PDE8B: variants seen among roughly 807,000 people sequenced by gnomAD.
PDE8B encodes the protein high affinity cAMP-specific and IBMX-insensitive 3',5'-cyclic phosphodiesterase 8B.
PDE8B carries 26 observed loss-of-function variants against 101.3 expected under a neutral mutation model. The ratio of observed to expected loss-of-function variants is 0.26; its 90% confidence interval spans 0.19 to 0.36. The LOEUF is 0.36. PDE8B is among the 10% of genes least tolerant of loss of function. PDE8B has a pLI of 1.00. For synonymous variants in PDE8B, 424 were observed against 429.3 expected (o/e 0.99, Z 0.15); for missense variants, 810 against 1,163.1 (o/e 0.70, Z 4.42).
chr5:77,137,023 GT>G, the PDE8B span, among the ~76,000 whole-genome samples: 1 of 152,146 alleles, frequency 6.6e-6, no homozygotes, highest in East Asian at 1.9e-4. Flanking sequence ...GACAAAATCA[GT>G]TTGCTTCTTG....
chr5:77,122,043 C>G, the PDE8B span, among the ~76,000 whole-genome samples: 3 of 152,294 alleles, frequency 2.0e-5, no homozygotes, highest in East Asian at 5.8e-4. Flanking sequence ...GTTCCAAATC[C>G]ATAAATAGTA....
At chr5:77,374,698 G>A (rs1378000415) in intron 10 of PDE8B, among the ~76,000 whole-genome samples, 9 of 152,082 alleles carry the variant, frequency 5.9e-5, no homozygotes, top group East Asian at 1.9e-4. Context: ...CCCATAATAC[G>A]GTTACTGTTT....
the PDE8B span, among the ~76,000 whole-genome samples, chr5:77,190,799 G>A: frequency 6.6e-6 from 1 of 152,198 alleles, no homozygotes; most frequent in Non-Finnish European, 1.5e-5. Context: ...CTCAGTATAT[G>A]CTCTAGGAAA....
chr5:77,205,388 G>C, the PDE8B span, among the ~76,000 whole-genome samples: 1 of 152,112 alleles, frequency 6.6e-6, no homozygotes, highest in Non-Finnish European at 1.5e-5. Context: ...TCACTTGGTA[G>C]GACTATTTCA....
the PDE8B span, chr5:77,144,111 T>TC: frequency 6.6e-6 from 1 of 152,154 alleles, no homozygotes; most frequent in African/African-American, 2.4e-5. Context: ...GAGCATGGAT[T>TC]CACAAGAGAA....
At chr5:77,287,840 A>T (rs1766370383) in intron 1 of PDE8B, among the ~76,000 whole-genome samples, 1 of 152,070 alleles carries the variant, frequency 6.6e-6, no homozygotes, top group South Asian at 2.1e-4. Flanking sequence ...TCTTTGTCAA[A>T]ATGTTGTTTC....
At chr5:77,173,040 A>G in the PDE8B span, among the ~76,000 whole-genome samples, 1 of 152,216 alleles carries the variant, frequency 6.6e-6, no homozygotes, top group Non-Finnish European at 1.5e-5. Flanking sequence ...CAGTGAATGC[A>G]TGTAGAGGTG....
the PDE8B span, among the ~76,000 whole-genome samples, chr5:77,097,668 A>G: frequency 1.4e-5 from 1 of 70,990 alleles, no homozygotes; most frequent in Non-Finnish European, 3.1e-5. Flanking sequence ...CTATCAGACT[A>G]GCTGTTTGTG....
chr5:77,414,599 T>C (rs1795166251), intron 17 of PDE8B, among the ~76,000 whole-genome samples: 2 of 151,502 alleles, frequency 1.3e-5, no homozygotes, highest in African/African-American at 4.8e-5. Flanking sequence ...TTTTTTTTTT[T>C]TTTTGTATTT....
At chr5:77,406,697 AG>A (rs1177616459) in intron 12 of PDE8B, among the ~76,000 whole-genome samples, 1 of 152,090 alleles carries the variant, frequency 6.6e-6, no homozygotes, top group Admixed American at 6.5e-5. Context: ...CCTGCCTCAG[AG>A]GGGGTGGTAG....
At chr5:77,245,854 C>CCCCCCCCCCCCCCCCCCCCCCCCCCCCT (rs1756807720) in intron 1 of PDE8B, among the ~76,000 whole-genome samples, 1 of 77,086 alleles carries the variant, frequency 1.3e-5, no homozygotes, top group African/African-American at 7.6e-5. Flanking sequence ...CCCCCGCCCC[C>CCCCCCCCCCCCCCCCCCCCCCCCCCCCT]CCCCCCCAAC....
intron 1 of PDE8B, among the ~76,000 whole-genome samples, chr5:77,242,835 T>G (rs1756050105): frequency 6.6e-6 from 1 of 152,042 alleles, no homozygotes; most frequent in East Asian, 1.9e-4. Flanking sequence ...CCTGGCTAAT[T>G]TTTTGTATTT....
At chr5:77,101,250 A>G in the PDE8B span, among the ~76,000 whole-genome samples, 2 of 151,648 alleles carry the variant, frequency 1.3e-5, no homozygotes, top group South Asian at 4.2e-4. Flanking sequence ...GGATTACAGG[A>G]GTGAGCCGCT....
At chr5:77,184,956 C>G in the PDE8B span, among the ~76,000 whole-genome samples, 2,250 of 152,330 alleles carry the variant, frequency 0.015, 67 homozygotes, top group African/African-American at 0.052. Flanking sequence ...GGGCACCAGG[C>G]TATCAGAGCT....
intron 14 of PDE8B, among the ~76,000 whole-genome samples, chr5:77,409,946 G>A (rs1794209992): frequency 6.6e-6 from 1 of 152,236 alleles, no homozygotes; most frequent in South Asian, 2.1e-4. Context: ...ATCTAATGCA[G>A]TGCAGACCTC....
intron 1 of PDE8B, among the ~76,000 whole-genome samples, chr5:77,296,206 TTCC>T (rs1768527152): frequency 6.6e-6 from 1 of 152,048 alleles, no homozygotes; most frequent in African/African-American, 2.4e-5. Flanking sequence ...CTCCCTCCTT[TTCC>T]TCCTCATCTT....
At chr5:77,422,069 C>CT in intron 20 of PDE8B, 81 bp downstream of exon 20, 1 of 1,430,016 alleles carries the variant, frequency 7.0e-7, no homozygotes, top group Non-Finnish European at 9.7e-7. Context: ...GATTCTCCAG[C>CT]TGAGTAACTT....
chr5:77,155,477 G>A, the PDE8B span, among the ~76,000 whole-genome samples: 1 of 152,194 alleles, frequency 6.6e-6, no homozygotes, highest in Non-Finnish European at 1.5e-5. Context: ...ATAAAGATCA[G>A]TTACTACACC....
chr5:77,363,395 A>G (rs992393475), intron 10 of PDE8B, among the ~76,000 whole-genome samples: 10 of 152,152 alleles, frequency 6.6e-5, no homozygotes, highest in African/African-American at 2.4e-4. Context: ...GTGTTGACTG[A>G]CGTGGGTTTG....
Sources: allele counts gnomAD v4.1 joint callset (sites outside exome capture counted in the v4.1 genomes callset), GRCh38; gene constraint gnomAD v4.1.1; transcripts MANE v1.5; gene names NCBI Gene and HGNC (gene_info 2026-07-23, HGNC 2026-07-21).